The following VAC14 variants were observed in gnomAD, a reference collection of about 807,000 sequenced individuals.
VAC14 encodes the protein protein VAC14 homolog.
In VAC14, 47 loss-of-function variants were observed where a neutral mutation model predicts 85.3. The ratio of observed to expected loss-of-function variants is 0.55; its 90% CI spans 0.44 to 0.70. The LOEUF (loss-of-function observed/expected upper bound fraction) is 0.70, where lower values mean the gene tolerates loss of function less well. Ranked by LOEUF, VAC14 falls within the 30% of genes least tolerant of loss-of-function variation. The probability of loss-of-function intolerance (pLI) is 0.00; values close to 1 mark genes in which losing one functional copy is unlikely to be tolerated. For synonymous variants in VAC14, 447 were observed against 430.5 expected, an observed-to-expected ratio of 1.04 and a Z score of -0.47; for missense variants, 861 against 1,004.3, an observed-to-expected ratio of 0.86 and a Z score of 1.93.
At chr16:70,742,718 G>A (rs1171939906) in intron 13 of VAC14, among the ~76,000 whole-genome samples, 1 of 152,224 alleles carries the variant, frequency 6.6e-6, no homozygotes, top group East Asian at 1.9e-4. Context: ...TGGTCTTAGG[G>A]CCAAAAAGGG....
At chr16:70,772,045 G>A (rs553942459) in intron 10 of VAC14, 64 bp downstream of exon 10, 51 of 1,495,750 alleles carry the variant, frequency 3.4e-5, no homozygotes, top group South Asian at 2.4e-4. Context: ...GTAGTCTCCC[G>A]CATCCAGGAA....
intron 1 of VAC14, among the ~76,000 whole-genome samples, chr16:70,797,690 T>A (rs756471654): frequency 6.6e-6 from 1 of 152,226 alleles, no homozygotes; most frequent in Non-Finnish European, 1.5e-5. Context: ...TGGGGCCTGG[T>A]GGAGGTGGCT....
At chr16:70,744,110 T>G (rs2030634163) in intron 13 of VAC14, among the ~76,000 whole-genome samples, 1 of 152,126 alleles carries the variant, frequency 6.6e-6, no homozygotes, top group Admixed American at 6.5e-5. Flanking sequence ...ACTGGAGAGA[T>G]GCTGCCTAGG....
chr16:70,724,874 A>T (rs1253432685), intron 14 of VAC14, among the ~76,000 whole-genome samples: 1 of 152,222 alleles, frequency 6.6e-6, no homozygotes, highest in East Asian at 1.9e-4. Flanking sequence ...TGGGGGCCCA[A>T]TCGATACGGC....
At chr16:70,729,482 G>A (rs2054526326) in intron 14 of VAC14, among the ~76,000 whole-genome samples, 1 of 152,030 alleles carries the variant, frequency 6.6e-6, no homozygotes, top group Non-Finnish European at 1.5e-5. Flanking sequence ...TCCTGAGCTG[G>A]CCGGTCACCT....
intron 13 of VAC14, among the ~76,000 whole-genome samples, chr16:70,740,889 C>T (rs527434527): frequency 6.6e-6 from 1 of 152,212 alleles, no homozygotes; most frequent in African/African-American, 2.4e-5. Flanking sequence ...CCCATGTGGG[C>T]GACTCTGCCT....
chr16:70,774,752 G>GT (rs1158583692), intron 9 of VAC14, among the ~76,000 whole-genome samples: 657 of 47,120 alleles, frequency 0.014, 6 homozygotes, highest in Admixed American at 0.075. Context: ...TTCCTTCCTT[G>GT]TTTTTTTTTT....
chr16:70,786,387 G>T, intron 1 of VAC14, 22 bp from the exon 2 acceptor site: 1 of 1,609,516 alleles, frequency 6.2e-7, no homozygotes, highest in Non-Finnish European at 8.5e-7. Flanking sequence ...GGAGAGAGGG[G>T]CTGTGGGAAT....
intron 10 of VAC14, chr16:70,771,435 AACAG>A (rs1164960521): frequency 6.6e-6 from 1 of 152,250 alleles, no homozygotes; most frequent in African/African-American, 2.4e-5. Flanking sequence ...ATCCTGGACA[AACAG>A]ACAGCGATGA....
intron 3 of VAC14, among the ~76,000 whole-genome samples, chr16:70,785,443 T>C (rs1472678856): frequency 6.6e-6 from 1 of 152,254 alleles, no homozygotes; most frequent in Non-Finnish European, 1.5e-5. Flanking sequence ...TTTCACAGAC[T>C]ATCAGCTTCT....
In VAC14 at chr16:70,800,924, G is replaced by T. The variant is rs761629578; in HGVS notation, c.-24C>A. ...ATGGTGGCAGCTGGGGGAACCTCGC[G>T]ACTCCTTAGCCCGCGGCTGCCGGGG... On this transcript the variant is annotated 5_prime_UTR_variant, in exon 1 of 19. Coordinates refer to ENST00000261776, the MANE Select transcript of VAC14 (RefSeq NM_018052.5). 3.2e-6 allele frequency: 5 copies of T among 1,552,944 alleles called. No homozygotes were observed. Among genetic ancestry groups the T allele is most frequent in the Non-Finnish European group, 4.4e-6 (5 of 1,147,056 alleles).
chr16:70,788,772 G>A (rs1410776835), intron 1 of VAC14, among the ~76,000 whole-genome samples: 1 of 152,176 alleles, frequency 6.6e-6, no homozygotes, highest in Non-Finnish European at 1.5e-5. Flanking sequence ...GCAATGAAGT[G>A]TTGCTTTTTC....
intron 9 of VAC14, among the ~76,000 whole-genome samples, chr16:70,776,666 G>A (rs2033533846): frequency 6.6e-6 from 1 of 152,146 alleles, no homozygotes. Flanking sequence ...CTGGGCTCAA[G>A]GGATCCTTGT....
intron 6 of VAC14, 50 bp from the exon 7 acceptor site, chr16:70,783,189 G>C (rs1293763841): frequency 6.3e-7 from 1 of 1,582,078 alleles, no homozygotes; most frequent in Non-Finnish European, 8.6e-7. Context: ...GCCAGGGCTG[G>C]AGGAGCCTCA....
intron 14 of VAC14, among the ~76,000 whole-genome samples, chr16:70,729,878 T>C (rs1196470952): frequency 1.3e-5 from 2 of 152,150 alleles, no homozygotes; most frequent in African/African-American, 4.8e-5. Context: ...GATTGTATCT[T>C]GGGCCTCGGT....
At position 70,724,841 on chromosome 16, in the gene VAC14, T is replaced by C. The variant is rs544154776; in HGVS notation, c.1661+6654A>G. The stretch of plus-strand genomic sequence containing the variant: ...GGAAGAATTCCTCCTGCCTGTTCAA[T>C]GTCCTGTCTCCCTCCCCTCAGCTGG... On this transcript the variant is annotated intron_variant, in intron 14 of 18. Coordinates refer to ENST00000261776, the MANE Select transcript of VAC14 (RefSeq NM_018052.5). 1.0e-3 allele frequency among the ~76,000 whole-genome samples: 159 copies of C among 152,332 alleles called. 4 individuals carry two copies. The South Asian group carries it at 0.031, about 29-fold the overall frequency.
chr16:70,734,049 C>T (rs764742141), intron 13 of VAC14, among the ~76,000 whole-genome samples: 71 of 152,150 alleles, frequency 4.7e-4, no homozygotes, highest in Non-Finnish European at 1.6e-4. Context: ...GTCTCAATCT[C>T]CTGATCTCGT....
chr16:70,693,547 G>A (rs965169825), intron 17 of VAC14, among the ~76,000 whole-genome samples: 24 of 152,186 alleles, frequency 1.6e-4, no homozygotes, highest in South Asian at 2.1e-4. Context: ...CTGGGGCTCC[G>A]GCTCACATGC....
intron 18 of VAC14, chr16:70,691,354 C>T: frequency 1.0e-6 from 1 of 985,482 alleles, no homozygotes. Context: ...CTCCCTGCTT[C>T]CGGCTGCACC....
Sources: allele counts gnomAD v4.1 joint callset (sites outside exome capture counted in the v4.1 genomes callset), GRCh38; gene constraint gnomAD v4.1.1; transcripts MANE v1.5; gene names NCBI Gene and HGNC (gene_info 2026-07-23, HGNC 2026-07-21).